ASIC2: variants seen among roughly 807,000 people sequenced by gnomAD.
The protein encoded by ASIC2 is acid sensing ion channel subunit 2.
A neutral mutation model predicts 57.3 loss-of-function variants in ASIC2; 25 were observed. The observed-to-expected ratio is 0.44, with a 90% CI of 0.32 to 0.61. The LOEUF is 0.61. Among genes scored for constraint, ASIC2 ranks in the 20% least tolerant of loss-of-function variants. The probability of loss-of-function intolerance (pLI) is 0.06; values close to 1 mark genes in which losing one functional copy is unlikely to be tolerated. For synonymous variants in ASIC2, 319 were observed against 307.5 expected (o/e 1.04, Z -0.39); for missense variants, 641 against 738.1 (o/e 0.87, Z 1.52).
chr17:33,374,047 G>A (rs1567839956), intron 1 of ASIC2, among the ~76,000 whole-genome samples: 1 of 152,126 alleles, frequency 6.6e-6, no homozygotes, highest in Non-Finnish European at 1.5e-5. Context: ...CCAGGCTGCA[G>A]CACAGTAGCA....
intron 1 of ASIC2, among the ~76,000 whole-genome samples, chr17:34,021,366 G>A (rs1208984684): frequency 6.6e-6 from 1 of 152,126 alleles, no homozygotes; most frequent in Non-Finnish European, 1.5e-5. Flanking sequence ...TATGGCCCCT[G>A]CCCTGGATCT....
chr17:34,121,619 G>C (rs529504707), intron 1 of ASIC2, among the ~76,000 whole-genome samples: 3 of 152,152 alleles, frequency 2.0e-5, no homozygotes, highest in Admixed American at 6.5e-5. Context: ...TCCCTCCTCT[G>C]ATTAAGACCT....
At position 33,365,696 on chromosome 17, in the gene ASIC2, C is replaced by T. The variant is rs529633196; in HGVS notation, c.556-253629G>A. On this transcript the variant is annotated intron_variant, in intron 1 of 9. Coordinates refer to the ASIC2 transcript ENST00000359872. ...TTCTTCCTGGCCATTAGCTATATAA[C>T]AACAGGTTGGGCCTGATGACTTAAA... Among the ~76,000 whole-genome samples the T allele has an allele frequency of 2.6e-5, 4 of 152,172 alleles. No homozygotes were observed. In the East Asian group the frequency reaches 7.7e-4, roughly 29 times the overall value.
chr17:33,566,951 C>T (rs1916253126), intron 1 of ASIC2, among the ~76,000 whole-genome samples: 2 of 152,156 alleles, frequency 1.3e-5, no homozygotes, highest in African/African-American at 4.8e-5. Context: ...TGCCCTTGCT[C>T]TTTTTCCCCT....
At chr17:33,815,831 A>G (rs1912562366) in intron 1 of ASIC2, among the ~76,000 whole-genome samples, 1 of 152,206 alleles carries the variant, frequency 6.6e-6, no homozygotes, top group Admixed American at 6.5e-5. Context: ...AGATGGGGAA[A>G]CTGAGGCCCA....
intron 1 of ASIC2, among the ~76,000 whole-genome samples, chr17:33,671,966 A>G (rs1473612942): frequency 6.6e-6 from 1 of 151,732 alleles, no homozygotes; most frequent in Admixed American, 6.6e-5. Flanking sequence ...TTGAAATTGC[A>G]CTCTTCTTGC....
chr17:33,714,515 A>G (rs997105808), intron 1 of ASIC2, among the ~76,000 whole-genome samples: 1 of 152,226 alleles, frequency 6.6e-6, no homozygotes, highest in Non-Finnish European at 1.5e-5. Flanking sequence ...TACATACTGA[A>G]TGGTGCCATT....
At chr17:33,529,474 C>T (rs1437293301) in intron 1 of ASIC2, among the ~76,000 whole-genome samples, 1 of 152,200 alleles carries the variant, frequency 6.6e-6, no homozygotes, top group Non-Finnish European at 1.5e-5. Flanking sequence ...TCAGACACCA[C>T]CCCAGAACTA....
chr17:33,802,201 A>T (rs1348711755), intron 1 of ASIC2, among the ~76,000 whole-genome samples: 1 of 152,190 alleles, frequency 6.6e-6, no homozygotes, highest in African/African-American at 2.4e-5. Flanking sequence ...TTTGATACAC[A>T]AATACTTACC....
At chr17:33,165,846 A>C (rs1265478176) in intron 1 of ASIC2, among the ~76,000 whole-genome samples, 1 of 152,194 alleles carries the variant, frequency 6.6e-6, no homozygotes, top group Non-Finnish European at 1.5e-5. Context: ...GACTAATTTT[A>C]GACTTCACTT....
At chr17:33,492,954 C>G (rs1418174759) in intron 1 of ASIC2, among the ~76,000 whole-genome samples, 1 of 152,220 alleles carries the variant, frequency 6.6e-6, no homozygotes, top group East Asian at 1.9e-4. Context: ...TTTCCAGCCA[C>G]AGGCAGCTGA....
intron 1 of ASIC2, among the ~76,000 whole-genome samples, chr17:34,141,014 T>C (rs140660242): frequency 6.6e-6 from 1 of 152,318 alleles, no homozygotes; most frequent in Admixed American, 6.5e-5. Context: ...AAATAGATAT[T>C]GCATGCCTCC....
At chr17:34,093,065 A>C (rs535237852) in intron 1 of ASIC2, among the ~76,000 whole-genome samples, 1 of 152,256 alleles carries the variant, frequency 6.6e-6, no homozygotes, top group African/African-American at 2.4e-5. Flanking sequence ...TGAAACGTTT[A>C]TTATTTCAGA....
intron 4 of ASIC2, among the ~76,000 whole-genome samples, chr17:33,026,255 G>A (rs541425709): frequency 1.3e-5 from 2 of 152,338 alleles, no homozygotes; most frequent in South Asian, 2.1e-4. Flanking sequence ...ATGTTTCTGT[G>A]TAGGTCCAGC....
intron 1 of ASIC2, among the ~76,000 whole-genome samples, chr17:33,182,391 T>C (rs1362998565): frequency 3.9e-5 from 6 of 152,190 alleles, no homozygotes; most frequent in Non-Finnish European, 8.8e-5. Flanking sequence ...AAAGCTTGTA[T>C]GAACCCCAAA....
intron 1 of ASIC2, among the ~76,000 whole-genome samples, chr17:33,288,604 G>T (rs1402543275): frequency 6.6e-6 from 1 of 152,134 alleles, no homozygotes; most frequent in Non-Finnish European, 1.5e-5. Context: ...ACAATGGGAT[G>T]CAGGGTGTTG....
intron 1 of ASIC2, among the ~76,000 whole-genome samples, chr17:33,505,892 CA>C (rs1209774881): frequency 6.6e-6 from 1 of 152,202 alleles, no homozygotes; most frequent in Admixed American, 6.5e-5. Context: ...AACTCATTAT[CA>C]TGCATTTTAT....
intron 1 of ASIC2, among the ~76,000 whole-genome samples, chr17:33,552,822 C>T (rs4387635): frequency 0.11 from 16,410 of 152,208 alleles, 2,349 homozygotes; most frequent in African/African-American, 0.33. Context: ...GTGGAACACT[C>T]GCGTCAGGTA....
intron 1 of ASIC2, among the ~76,000 whole-genome samples, chr17:34,048,864 T>C (rs1485508339): frequency 6.6e-6 from 1 of 152,222 alleles, no homozygotes; most frequent in Non-Finnish European, 1.5e-5. Context: ...TATTTATTGA[T>C]TGACTTGGGG....
Sources: gnomAD v4.1 joint callset for allele counts (sites outside exome capture counted in the v4.1 genomes callset) on GRCh38, gnomAD v4.1.1 for gene constraint, MANE v1.5 for transcripts, NCBI Gene and HGNC (gene_info 2026-07-23, HGNC 2026-07-21) for gene names.